Variants in TCEANC2 observed in about 807,000 individuals in gnomAD.
TCEANC2 encodes the protein transcription elongation factor A N-terminal and central domain-containing protein 2.
Under a neutral mutation model 22.8 loss-of-function variants are expected in TCEANC2, and 20 were observed. The ratio of observed to expected loss-of-function variants is 0.88; its 90% CI spans 0.62 to 1.28. The LOEUF is 1.28. Among genes scored for constraint, TCEANC2 ranks in the 50% most tolerant of loss-of-function variants. The pLI, the probability that TCEANC2 is intolerant of heterozygous loss-of-function variation, is 0.00. For synonymous variants in TCEANC2, 84 were observed against 95.5 expected (o/e 0.88, Z 0.70); for missense variants, 251 against 249.7 (o/e 1.01, Z -0.03).
At chr1:54,064,692 C>CTTTTTTTTTTTTTTTTTTTTTTTTTTTT (rs67486092) in intron 2 of TCEANC2, among the ~76,000 whole-genome samples, 1 of 93,672 alleles carries the variant, frequency 1.1e-5, no homozygotes, top group Non-Finnish European at 2.0e-5. Context: ...TGCATTTTTC[C>CTTTTTTTTTTTTTTTTTTTTTTTTTTTT]TTTTTTTTTT....
At chr1:54,069,077 T>A (rs182459851) in intron 3 of TCEANC2, among the ~76,000 whole-genome samples, 180 bp downstream of exon 3, 1 of 152,194 alleles carries the variant, frequency 6.6e-6, no homozygotes, top group East Asian at 1.9e-4. Context: ...GGTAATATAT[T>A]AAAAAAATTA....
At chr1:54,068,405 T>C (rs1276522141) in intron 2 of TCEANC2, among the ~76,000 whole-genome samples, 2 of 152,252 alleles carry the variant, frequency 1.3e-5, no homozygotes, top group East Asian at 3.8e-4. Context: ...CTCGCTGTTC[T>C]TGCCTATGAA....
chr1:54,069,238 C>T (rs1210081563), intron 3 of TCEANC2, among the ~76,000 whole-genome samples: 1 of 152,172 alleles, frequency 6.6e-6, no homozygotes, highest in African/African-American at 2.4e-5. Flanking sequence ...CTGGCAATAA[C>T]ACATGGATAA....
At chr1:54,064,733 T>G (rs1006107508) in intron 2 of TCEANC2, among the ~76,000 whole-genome samples, 5 of 139,290 alleles carry the variant, frequency 3.6e-5, no homozygotes, top group Middle Eastern at 4.0e-3. Context: ...GGAGTCTCAC[T>G]GTGTCACCTA....
chr1:54,096,837 C>T lies in TCEANC2; in HGVS notation c.*364C>T. ...ATGAAGTTACTACTATATTTCACCA[C>T]CCTGCAGGTAACTGAAACTCAATTA... is the stretch of plus-strand genomic sequence containing the variant. On this transcript the variant is annotated 3_prime_UTR_variant, in exon 5 of 5. Coordinates refer to ENST00000234827, the MANE Select transcript of TCEANC2 (RefSeq NM_153035.3). This position sits in a 1 kb window ranked among gnomAD's most constrained non-coding sequence, Gnocchi z 4.9. 4 of 1,002,212 alleles carry T rather than the reference C, an allele frequency of 4.0e-6. No individual in the cohort carries two copies. Among genetic ancestry groups the T allele is most frequent in the East Asian group, 2.0e-4 (2 of 9,836 alleles). 62.1% of individuals were successfully genotyped at this position (1,002,212 alleles called of 1,614,324 possible).
At position 54,102,299 on chromosome 1, in the gene TCEANC2, T is replaced by G. The variant is rs985901890; in HGVS notation, c.*5826T>G. The G allele has an allele frequency of 6.6e-6, 1 of 152,206 alleles. No individual in the cohort carries two copies. The highest frequency in any genetic ancestry group is 1.9e-4 in the East Asian group (1 of 5,188). 9.4% of individuals were successfully genotyped at this position (152,206 alleles called of 1,614,324 possible). A position where few individuals can be genotyped will look rare whatever the true frequency, so the allele number is the denominator to read the frequency against. On this transcript the variant is annotated 3_prime_UTR_variant, in exon 5 of 5. Transcript: ENST00000234827. ...GGTATCTGTGGTGGGAACAGATGCC[T>G]GTGAAGTTTATGACAAGACCCTACA...
chr1:54,054,943 G>A lies in TCEANC2; in HGVS notation c.102+419G>A, dbSNP rs1160530029. Among the ~76,000 whole-genome samples the A allele has an allele frequency of 2.0e-5, 3 of 152,184 alleles. No homozygotes were observed. The South Asian group carries it at 6.2e-4, about 32-fold the overall frequency. ...ATCAAACAGCTTTACAGCTTCAGCT[G>A]AGACTGGGAAAGAGGCTGTTTTTTT... is the stretch of plus-strand genomic sequence containing the variant. On this transcript the variant is annotated intron_variant, in intron 2 of 4. Transcript: ENST00000234827.
chr1:54,064,784 C>T (rs1410287204), intron 2 of TCEANC2, among the ~76,000 whole-genome samples: 1 of 150,652 alleles, frequency 6.6e-6, no homozygotes, highest in African/African-American at 2.5e-5. Flanking sequence ...ACTGCACCCT[C>T]CACCTCCCAG....
intron 3 of TCEANC2, among the ~76,000 whole-genome samples, chr1:54,069,744 A>G (rs1181717992): frequency 1.3e-5 from 2 of 152,216 alleles, no homozygotes. Context: ...CAAGGTATAT[A>G]CTGGGGACTT....
At chr1:54,106,461 C>A (rs1658755858), downstream of TCEANC2, among the ~76,000 whole-genome samples, 2 of 151,990 alleles carry the variant, frequency 1.3e-5, no homozygotes, top group South Asian at 4.2e-4. Context: ...ATTACTTTGA[C>A]ATGTGATCAA....
At chr1:54,107,558 A>G (rs1190970828), downstream of TCEANC2, among the ~76,000 whole-genome samples, 2 of 152,146 alleles carry the variant, frequency 1.3e-5, no homozygotes, top group East Asian at 1.9e-4. Flanking sequence ...GTATCTACCT[A>G]TATAATTTGG....
chr1:54,090,431 G>A (rs1319069798), intron 4 of TCEANC2, among the ~76,000 whole-genome samples: 1 of 152,096 alleles, frequency 6.6e-6, no homozygotes, highest in Non-Finnish European at 1.5e-5. Flanking sequence ...TATGCCAAAT[G>A]TTCCATAAGA....
At chr1:54,063,389 C>G (rs1426401840) in intron 2 of TCEANC2, among the ~76,000 whole-genome samples, 9 of 152,196 alleles carry the variant, frequency 5.9e-5, no homozygotes, top group Non-Finnish European at 1.3e-4. Flanking sequence ...ACAGTCATCT[C>G]TCAGTATCTG....
intron 3 of TCEANC2, among the ~76,000 whole-genome samples, chr1:54,079,006 C>A (rs1332582230): frequency 6.6e-6 from 1 of 152,116 alleles, no homozygotes; most frequent in Non-Finnish European, 1.5e-5. Context: ...TGAGTGGATA[C>A]CTTTATTATC....
At chr1:54,059,152 C>CTT (rs201301611) in intron 2 of TCEANC2, among the ~76,000 whole-genome samples, 15 of 130,758 alleles carry the variant, frequency 1.1e-4, no homozygotes, top group South Asian at 5.0e-4. Context: ...CTTGAGTTTT[C>CTT]TTTTTTTTTT....
At chr1:54,106,553 C>G (rs755463262), downstream of TCEANC2, among the ~76,000 whole-genome samples, 10 of 152,270 alleles carry the variant, frequency 6.6e-5, no homozygotes, top group Non-Finnish European at 1.0e-4. Flanking sequence ...CAGTGCATCT[C>G]AGTTTGGGCT....
chr1:54,092,749 C>T (rs549469449), intron 4 of TCEANC2, among the ~76,000 whole-genome samples: 1 of 152,294 alleles, frequency 6.6e-6, no homozygotes, highest in East Asian at 1.9e-4. Flanking sequence ...TTCCCATGCC[C>T]TGAGAGAGCT....
At chr1:54,111,574 G>A (rs1296127869) in exon 5 of TCEANC2, 1 of 152,172 alleles carries the variant, frequency 6.6e-6, no homozygotes, top group African/African-American at 2.4e-5. Flanking sequence ...CTTTTTACTG[G>A]CCCCGTTGCT....
chr1:54,079,086 T>A (rs1658195476), intron 3 of TCEANC2, among the ~76,000 whole-genome samples: 1 of 152,196 alleles, frequency 6.6e-6, no homozygotes, highest in African/African-American at 2.4e-5. Context: ...CTTGTATTCT[T>A]AACCTGGTGA....
Sources: gnomAD v4.1 joint callset for allele counts (sites outside exome capture counted in the v4.1 genomes callset) on GRCh38, gnomAD v4.1.1 for gene constraint, Gnocchi (gnomAD v3.1) non-coding constraint, MANE v1.5 for transcripts, NCBI Gene and HGNC (gene_info 2026-07-23, HGNC 2026-07-21) for gene names.